The following FBXL17 variants were observed in gnomAD, a reference collection of about 807,000 sequenced individuals.
The protein encoded by FBXL17 is F-box and leucine rich repeat protein 17, also known as F-box/LRR-repeat protein 17.
A neutral mutation model predicts 66.2 loss-of-function variants in FBXL17; 22 were observed. The observed-to-expected ratio is 0.33, with a 90% CI of 0.24 to 0.47. FBXL17 has a LOEUF of 0.47. Among genes scored for constraint, FBXL17 ranks in the 20% least tolerant of loss-of-function variants. The pLI is 1.00. For synonymous variants in FBXL17, 474 were observed against 400.5 expected (o/e 1.18, Z -2.19); for missense variants, 878 against 948.2 (o/e 0.93, Z 0.97).
intron 3 of FBXL17, among the ~76,000 whole-genome samples, chr5:108,360,197 A>T (rs2112545183): frequency 6.6e-6 from 1 of 152,034 alleles, no homozygotes; most frequent in South Asian, 2.1e-4. Flanking sequence ...TATTCTTCAT[A>T]TGGCTTTCAA....
intron 7 of FBXL17, among the ~76,000 whole-genome samples, chr5:107,955,435 CT>C (rs1484961493): frequency 2.0e-5 from 3 of 152,136 alleles, no homozygotes; most frequent in African/African-American, 7.2e-5. Context: ...ACAAAGTGAT[CT>C]GAAACCCTCT....
intron 1 of FBXL17, among the ~76,000 whole-genome samples, chr5:108,380,251 T>C (rs1749748784): frequency 6.6e-6 from 1 of 152,210 alleles, no homozygotes; most frequent in South Asian, 2.1e-4. Flanking sequence ...GCGCAGTGCC[T>C]GATTATGGTA....
At chr5:108,299,732 T>C (rs1758501662) in intron 4 of FBXL17, 1 of 984,882 alleles carries the variant, frequency 1.0e-6, no homozygotes, top group East Asian at 1.1e-4. Context: ...AGGTAAGTTA[T>C]CCACTCTGCA....
At chr5:107,996,523 C>T (rs1753479492) in intron 7 of FBXL17, among the ~76,000 whole-genome samples, 1 of 152,140 alleles carries the variant, frequency 6.6e-6, no homozygotes, top group Non-Finnish European at 1.5e-5. Flanking sequence ...CCACGTTGGC[C>T]AGGCTAGTCT....
At chr5:108,375,493 TATAAG>T (rs1342661138) in intron 1 of FBXL17, among the ~76,000 whole-genome samples, 1 of 151,936 alleles carries the variant, frequency 6.6e-6, no homozygotes, top group African/African-American at 2.4e-5. Context: ...AGTACACAAT[TATAAG>T]AGAATACTAT....
chr5:108,159,417 CAAGGTG>C (rs1288813117), intron 6 of FBXL17, among the ~76,000 whole-genome samples: 1 of 152,096 alleles, frequency 6.6e-6, no homozygotes, highest in Non-Finnish European at 1.5e-5. Context: ...CACTAACCAC[CAAGGTG>C]ATGGTATTGG....
At chr5:108,297,845 T>C (rs1758413099) in intron 4 of FBXL17, 6 of 862,400 alleles carry the variant, frequency 7.0e-6, no homozygotes, top group Non-Finnish European at 8.4e-6. Flanking sequence ...TAACATTCTA[T>C]TCCTTTGGTA....
At chr5:108,030,113 T>C (rs991791653) in intron 6 of FBXL17, among the ~76,000 whole-genome samples, 3 of 152,174 alleles carry the variant, frequency 2.0e-5, no homozygotes, top group Non-Finnish European at 2.9e-5. Context: ...CTTATCAATA[T>C]TGTCACTAAA....
intron 4 of FBXL17, among the ~76,000 whole-genome samples, chr5:108,291,975 CCTT>C (rs1411230007): frequency 6.6e-6 from 1 of 152,084 alleles, no homozygotes; most frequent in East Asian, 1.9e-4. Flanking sequence ...TGCAGTAATT[CCTT>C]TAATTTGTCT....
At chr5:108,020,407 G>A (rs964194423) in intron 7 of FBXL17, among the ~76,000 whole-genome samples, 12 of 151,856 alleles carry the variant, frequency 7.9e-5, no homozygotes, top group African/African-American at 2.9e-4. Flanking sequence ...ATATTGAAAT[G>A]TAAGATAATT....
At chr5:107,969,871 T>C (rs560735177) in intron 7 of FBXL17, among the ~76,000 whole-genome samples, 1 of 152,318 alleles carries the variant, frequency 6.6e-6, no homozygotes, top group Non-Finnish European at 1.5e-5. Flanking sequence ...TTATATGATA[T>C]GTTAGTAAGC....
chr5:107,971,273 T>C (rs992855142), intron 7 of FBXL17, among the ~76,000 whole-genome samples: 1 of 152,144 alleles, frequency 6.6e-6, no homozygotes, highest in Non-Finnish European at 1.5e-5. Flanking sequence ...GTGTTACGTA[T>C]GAGCACACCC....
At chr5:108,340,352 A>C (rs1318201448) in intron 4 of FBXL17, among the ~76,000 whole-genome samples, 1 of 151,496 alleles carries the variant, frequency 6.6e-6, no homozygotes, top group Non-Finnish European at 1.5e-5. Context: ...GGAGTTCGAG[A>C]CCAGCCTGGG....
intron 5 of FBXL17, among the ~76,000 whole-genome samples, chr5:108,195,912 TG>T (rs1474507242): frequency 2.0e-5 from 3 of 152,122 alleles, no homozygotes; most frequent in African/African-American, 7.2e-5. Flanking sequence ...AAAGACAATT[TG>T]GGGGCAGGCA....
At chr5:107,862,596 T>C (rs1282109940) in intron 8 of FBXL17, among the ~76,000 whole-genome samples, 1 of 152,238 alleles carries the variant, frequency 6.6e-6, no homozygotes, top group Non-Finnish European at 1.5e-5. Flanking sequence ...GTTTTCTTCA[T>C]CCTTTAGATA....
chr5:107,881,884 G>A (rs562442795), intron 7 of FBXL17, among the ~76,000 whole-genome samples: 2 of 152,050 alleles, frequency 1.3e-5, no homozygotes, highest in Non-Finnish European at 1.5e-5. Flanking sequence ...TAGTCTTCTC[G>A]GCTGTTTAGC....
chr5:108,378,551 TC>T (rs1749611715), intron 1 of FBXL17, among the ~76,000 whole-genome samples: 1 of 152,190 alleles, frequency 6.6e-6, no homozygotes, highest in Non-Finnish European at 1.5e-5. Context: ...CCATAAGTCT[TC>T]CCTTCTCCAA....
chr5:108,218,077 G>T (rs1242630723), intron 5 of FBXL17, among the ~76,000 whole-genome samples: 1 of 145,690 alleles, frequency 6.9e-6, no homozygotes, highest in Admixed American at 6.9e-5. Flanking sequence ...GAGTGCAGTG[G>T]CCACTGCAAG....
intron 7 of FBXL17, among the ~76,000 whole-genome samples, chr5:107,994,079 A>G (rs1753371571): frequency 6.6e-6 from 1 of 152,164 alleles, no homozygotes; most frequent in Non-Finnish European, 1.5e-5. Context: ...ATAAAAATTT[A>G]AGGTGAAAAT....
Sources: allele counts gnomAD v4.1 joint callset (sites outside exome capture counted in the v4.1 genomes callset), GRCh38; gene constraint gnomAD v4.1.1; transcripts MANE v1.5; gene names NCBI Gene and HGNC (gene_info 2026-07-23, HGNC 2026-07-21).